The following GALNT13 variants were observed in gnomAD, a reference collection of about 807,000 sequenced individuals.
The protein encoded by GALNT13 is UDP-GalNAc:polypeptide N-acetylgalactosaminyltransferase 13.
In GALNT13, 28 loss-of-function variants were observed where a neutral mutation model predicts 64.2. The observed-to-expected ratio is 0.44, with a 90% confidence interval of 0.32 to 0.60. The LOEUF (loss-of-function observed/expected upper bound fraction) is 0.60. GALNT13 is among the 20% of genes least tolerant of loss of function. GALNT13 has a pLI of 0.05. For synonymous variants in GALNT13, 214 were observed against 224.6 expected, an observed-to-expected ratio of 0.95 and a Z score of 0.42; for missense variants, 577 against 669.8, an observed-to-expected ratio of 0.86 and a Z score of 1.53.
chr2:153,890,757 G>A (rs1286076525), intron 1 of GALNT13, among the ~76,000 whole-genome samples: 2 of 151,972 alleles, frequency 1.3e-5, no homozygotes, highest in Non-Finnish European at 2.9e-5. Flanking sequence ...TCTTTCTTCA[G>A]CACATCACTC....
chr2:154,003,555 T>C (rs902528226), intron 3 of GALNT13, among the ~76,000 whole-genome samples: 1 of 152,202 alleles, frequency 6.6e-6, no homozygotes, highest in Admixed American at 6.5e-5. Flanking sequence ...GCTCTCTTGC[T>C]GATGTCACTC....
the GALNT13 span, among the ~76,000 whole-genome samples, chr2:153,203,271 C>T: frequency 6.6e-5 from 10 of 152,142 alleles, no homozygotes; most frequent in African/African-American, 4.8e-5. Flanking sequence ...GAGGTCTATT[C>T]GTCTTCTACA....
At chr2:154,212,305 C>T (rs1035704766) in intron 4 of GALNT13, among the ~76,000 whole-genome samples, 11 of 151,778 alleles carry the variant, frequency 7.2e-5, no homozygotes, top group African/African-American at 1.9e-4. Context: ...AGTCCAATGG[C>T]GAAATCTCGG....
At chr2:153,838,457 A>G in the GALNT13 span, among the ~76,000 whole-genome samples, 1 of 151,876 alleles carries the variant, frequency 6.6e-6, no homozygotes, top group Non-Finnish European at 1.5e-5. Flanking sequence ...ATTTTATTGG[A>G]TATAACCAAT....
At chr2:153,359,518 C>T in the GALNT13 span, among the ~76,000 whole-genome samples, 1 of 149,870 alleles carries the variant, frequency 6.7e-6, no homozygotes, top group Non-Finnish European at 1.5e-5. Flanking sequence ...CCATTGGATG[C>T]AGCACAAACA....
the GALNT13 span, among the ~76,000 whole-genome samples, chr2:153,502,555 T>C: frequency 6.6e-6 from 1 of 152,252 alleles, no homozygotes; most frequent in African/African-American, 2.4e-5. Context: ...AACTTGCGTG[T>C]GCAAGTCTCT....
At chr2:154,324,434 G>T (rs148266916) in intron 9 of GALNT13, among the ~76,000 whole-genome samples, 2 of 151,852 alleles carry the variant, frequency 1.3e-5, no homozygotes, top group East Asian at 3.9e-4. Flanking sequence ...TGATGATTTC[G>T]TATATTTATA....
intron 3 of GALNT13, among the ~76,000 whole-genome samples, chr2:153,986,225 T>TGGAAGA (rs1419701754): frequency 5.3e-5 from 8 of 152,032 alleles, no homozygotes; most frequent in African/African-American, 1.7e-4. Flanking sequence ...AGGTTTATTT[T>TGGAAGA]GGAAGAATCT....
chr2:153,322,068 A>G, the GALNT13 span, among the ~76,000 whole-genome samples: 5 of 150,856 alleles, frequency 3.3e-5, no homozygotes, highest in Admixed American at 2.0e-4. Flanking sequence ...GATACATGTG[A>G]AGGTTTGTTA....
the GALNT13 span, among the ~76,000 whole-genome samples, chr2:153,102,828 G>C: frequency 6.6e-6 from 1 of 152,114 alleles, no homozygotes; most frequent in East Asian, 1.9e-4. Context: ...TATGTAACAT[G>C]AAAATGTATT....
chr2:153,568,783 C>T, the GALNT13 span, among the ~76,000 whole-genome samples: 14 of 152,262 alleles, frequency 9.2e-5, no homozygotes, highest in African/African-American at 3.4e-4. Context: ...ATACATACCT[C>T]CCGAAAGTTA....
intron 3 of GALNT13, among the ~76,000 whole-genome samples, chr2:153,998,428 G>A (rs994918175): frequency 2.0e-5 from 3 of 152,202 alleles, no homozygotes; most frequent in Admixed American, 6.5e-5. Flanking sequence ...TTTGTTGACA[G>A]CATAAAGGTC....
At chr2:153,977,436 G>A (rs948140436) in intron 3 of GALNT13, among the ~76,000 whole-genome samples, 2 of 152,126 alleles carry the variant, frequency 1.3e-5, no homozygotes, top group African/African-American at 4.8e-5. Flanking sequence ...CATGGCAGCA[G>A]GAAGGGGTGG....
intron 2 of GALNT13, among the ~76,000 whole-genome samples, chr2:153,904,816 A>G (rs1274809400): frequency 1.3e-5 from 2 of 151,820 alleles, no homozygotes; most frequent in South Asian, 4.1e-4. Flanking sequence ...TTATGTTTAT[A>G]TCTTTCCACT....
the GALNT13 span, among the ~76,000 whole-genome samples, chr2:153,389,553 C>T: frequency 2.0e-5 from 3 of 151,988 alleles, no homozygotes; most frequent in Admixed American, 1.3e-4. Context: ...TACTGAGATG[C>T]CATCAGTGTA....
chr2:153,117,045 C>T, the GALNT13 span, among the ~76,000 whole-genome samples: 64 of 151,822 alleles, frequency 4.2e-4, no homozygotes, highest in East Asian at 2.7e-3. Context: ...GTGATCCACC[C>T]GCCTAGGCCT....
intron 8 of GALNT13, among the ~76,000 whole-genome samples, chr2:154,288,430 A>G (rs1241413526): frequency 6.6e-6 from 1 of 152,048 alleles, no homozygotes; most frequent in Non-Finnish European, 1.5e-5. Context: ...TGCCTTCCCA[A>G]CAGTCCCCCA....
At chr2:154,206,094 T>C (rs975979100) in intron 4 of GALNT13, among the ~76,000 whole-genome samples, 1 of 151,850 alleles carries the variant, frequency 6.6e-6, no homozygotes, top group African/African-American at 2.4e-5. Flanking sequence ...ACCTCCCGGG[T>C]TCACTCCATT....
chr2:153,090,464 G>A, the GALNT13 span, among the ~76,000 whole-genome samples: 4 of 152,288 alleles, frequency 2.6e-5, no homozygotes, highest in South Asian at 2.1e-4. Flanking sequence ...ACACACTCGG[G>A]ACCTCTGGTT....
Sources: gnomAD v4.1 joint callset for allele counts (sites outside exome capture counted in the v4.1 genomes callset) on GRCh38, gnomAD v4.1.1 for gene constraint, MANE v1.5 for transcripts, NCBI Gene and HGNC (gene_info 2026-07-23, HGNC 2026-07-21) for gene names.